Variants in EIF5AL1 observed in about 807,000 individuals in gnomAD.
The protein encoded by EIF5AL1 is eukaryotic translation initiation factor 5A-1-like.
Under a neutral mutation model 9.0 loss-of-function variants are expected in EIF5AL1, and 4 were observed. The observed-to-expected ratio is 0.45, with a 90% confidence interval of 0.22 to 1.02. EIF5AL1 has a LOEUF of 1.02. Among genes scored for constraint, EIF5AL1 ranks in the 50% least tolerant of loss-of-function variants. The pLI, the probability that EIF5AL1 is intolerant of heterozygous loss-of-function variation, is 0.24. For missense variants in EIF5AL1, 58 were observed against 194.1 expected (o/e 0.30, Z 4.17); for synonymous variants, 40 against 75.7 (o/e 0.53, Z 2.45).
Position 79,513,224 on chromosome 10 carries a change from A to C in EIF5AL1, c.*110A>C, listed in dbSNP as rs561253312. ...TGGTCCTAGGTTGGACTCCTCCTAC[A>C]CAATTTATTTGACGTTTTATTTTGG... On this transcript the variant is annotated 3_prime_UTR_variant, in exon 1 of 1. Transcript: ENST00000520547. 1 of 1,409,926 alleles carries C rather than the reference A, an allele frequency of 7.1e-7. No individual in the cohort carries two copies. The highest frequency in any genetic ancestry group is 9.9e-7 in the Non-Finnish European group (1 of 1,006,454). The allele number at this position is 1,409,926 out of a possible 1,614,324, so 87.3% of individuals were successfully genotyped here.
In EIF5AL1 at chr10:79,515,843, T is replaced by C. The variant is rs1834893907; in HGVS notation, c.*2729T>C. The C allele has an allele frequency of 6.0e-6, 1 of 166,446 alleles. No individual in the cohort carries two copies. Among genetic ancestry groups the C allele is most frequent in the Admixed American group, 6.6e-5 (1 of 15,158 alleles). The allele number at this position is 166,446 out of a possible 1,614,324, so 10.3% of individuals were successfully genotyped here. On this transcript the variant is annotated 3_prime_UTR_variant, in exon 1 of 1. Coordinates refer to ENST00000520547, the MANE Select transcript of EIF5AL1 (RefSeq NM_001099692.2). ...GAAATTCCTGATGTATTCAATGAAA[T>C]AACATCTTTAAAGTTCTGTGTAGAA...
In EIF5AL1 at chr10:79,516,047, G is replaced by C. The variant is rs183356982; in HGVS notation, c.*2933G>C. ...GGCCCAGTTTGCAGCTAGGAGAAATGTCAAACACATGAAGAAATGAGAAGC... is the reference window on the plus strand; with the variant it reads ...GGCCCAGTTTGCAGCTAGGAGAAATCTCAAACACATGAAGAAATGAGAAGC... On this transcript the variant is annotated 3_prime_UTR_variant, in exon 1 of 1. Transcript: ENST00000520547. 85 of 167,180 alleles carry C rather than the reference G, an allele frequency of 5.1e-4. No individual in the cohort carries two copies. The highest frequency in any genetic ancestry group is 1.9e-3 in the African/African-American group (81 of 41,562). The allele number at this position is 167,180 out of a possible 1,614,324, so 10.4% of individuals were successfully genotyped here.
rs758975581 is a variant in EIF5AL1, at chr10:79,512,607, G to A, written c.-43G>A. On this transcript the variant is annotated 5_prime_UTR_variant, in exon 1 of 1. Transcript: ENST00000520547. ...GGGCTCGCGGCGAGCGGACGGGGTC[G>A]AGTCAGTGCCGTTTGCGCCAGTTGG... The A allele has an allele frequency of 3.4e-5, 29 of 847,328 alleles. No homozygotes were observed. The highest frequency in any genetic ancestry group is 1.9e-4 in the Admixed American group (8 of 42,008). The allele number at this position is 847,328 out of a possible 1,614,324, so 52.5% of individuals were successfully genotyped here.
At position 79,514,198 on chromosome 10, in the gene EIF5AL1, A is replaced by C. The variant is rs576273223; in HGVS notation, c.*1084A>C. 1 of 167,256 alleles carries C rather than the reference A, an allele frequency of 6.0e-6. No homozygotes were observed. The highest frequency in any genetic ancestry group is 2.4e-5 in the African/African-American group (1 of 41,586). 10.4% of individuals were successfully genotyped at this position (167,256 alleles called of 1,614,324 possible). A position where few individuals can be genotyped will look rare whatever the true frequency, so the allele number is the denominator to read the frequency against. On this transcript the variant is annotated 3_prime_UTR_variant, in exon 1 of 1. Transcript: ENST00000520547. Reference sequence around the variant, plus strand: ...ATTGCTAAAATGGCAATAAAGAGACATGAGGCCAAGATGGAGAAGAAGGAA... The same window carrying C: ...ATTGCTAAAATGGCAATAAAGAGACCTGAGGCCAAGATGGAGAAGAAGGAA...
At position 79,513,412 on chromosome 10, in the gene EIF5AL1, TC is replaced by T. The variant is rs775964081; in HGVS notation, c.*299del. On this transcript the variant is annotated 3_prime_UTR_variant, in exon 1 of 1. Coordinates refer to ENST00000520547, the MANE Select transcript of EIF5AL1 (RefSeq NM_001099692.2). ...GGGGTGGGTGCTGCTTGTGGTTTAG[TC>T]TTTTTTTTTTTTTTAAATTCAATCT... The T allele has an allele frequency of 6.4e-6, 3 of 468,472 alleles. No individual in the cohort carries two copies. The South Asian group carries it at 8.4e-5, about 13-fold the overall frequency. 29.0% of individuals were successfully genotyped at this position (468,472 alleles called of 1,614,324 possible). A position where few individuals can be genotyped will look rare whatever the true frequency, so the allele number is the denominator to read the frequency against.
In EIF5AL1 at chr10:79,515,936, A is replaced by C. The variant is rs965711753; in HGVS notation, c.*2822A>C. On this transcript the variant is annotated 3_prime_UTR_variant, in exon 1 of 1. Coordinates refer to ENST00000520547, the MANE Select transcript of EIF5AL1 (RefSeq NM_001099692.2). ...CCAAAAAAACATGTACTAGGATTTCAATAGAAGCAATGGGTGATCTAAAAA... is the reference window on the plus strand; with the variant it reads ...CCAAAAAAACATGTACTAGGATTTCCATAGAAGCAATGGGTGATCTAAAAA... The C allele has an allele frequency of 4.2e-5, 7 of 167,102 alleles. No individual in the cohort carries two copies. Among genetic ancestry groups the C allele is most frequent in the Non-Finnish European group, 8.8e-5 (6 of 68,124 alleles). The allele number at this position is 167,102 out of a possible 1,614,324, so 10.4% of individuals were successfully genotyped here.
In EIF5AL1 at chr10:79,513,778, G is replaced by C. The variant is rs1183835542; in HGVS notation, c.*664G>C. The C allele has an allele frequency of 1.8e-5, 3 of 165,494 alleles. No homozygotes were observed. The highest frequency in any genetic ancestry group is 7.3e-5 in the African/African-American group (3 of 41,140). The allele number at this position is 165,494 out of a possible 1,614,324, so 10.3% of individuals were successfully genotyped here. A position where few individuals can be genotyped will look rare whatever the true frequency, so the allele number is the denominator to read the frequency against. ...AAAAAAAAAAAAAAGAAAGAAAGAC[G>C]TGTAAAATGCCAAGAACTCTAGGAA... On this transcript the variant is annotated 3_prime_UTR_variant, in exon 1 of 1. Coordinates refer to ENST00000520547, the MANE Select transcript of EIF5AL1 (RefSeq NM_001099692.2).
At position 79,515,921 on chromosome 10, in the gene EIF5AL1, A is replaced by G. The variant is rs1858225720; in HGVS notation, c.*2807A>G. ...GATAGAAAAAAAAACCCAAAAAAAC[A>G]TGTACTAGGATTTCAATAGAAGCAA... On this transcript the variant is annotated 3_prime_UTR_variant, in exon 1 of 1. Transcript: ENST00000520547. 1 of 167,058 alleles carries G rather than the reference A, an allele frequency of 6.0e-6. No individual in the cohort carries two copies. Among genetic ancestry groups the G allele is most frequent in the African/African-American group, 2.4e-5 (1 of 41,450 alleles). The allele number at this position is 167,058 out of a possible 1,614,324, so 10.3% of individuals were successfully genotyped here. A position where few individuals can be genotyped will look rare whatever the true frequency, so the allele number is the denominator to read the frequency against.
Position 79,513,378 on chromosome 10 carries a change from G to A in EIF5AL1, c.*264G>A, listed in dbSNP as rs1858181577. Reference sequence around the variant, plus strand: ...CTCCCCTCACACTACAGCCCTGGTGGGGGAGAAGGGGGTGGGTGCTGCTTG... The same window carrying A: ...CTCCCCTCACACTACAGCCCTGGTGAGGGAGAAGGGGGTGGGTGCTGCTTG... On this transcript the variant is annotated 3_prime_UTR_variant, in exon 1 of 1. Coordinates refer to ENST00000520547, the MANE Select transcript of EIF5AL1 (RefSeq NM_001099692.2). 4 of 571,818 alleles carry A rather than the reference G, an allele frequency of 7.0e-6. No individual in the cohort carries two copies. In the South Asian group the frequency reaches 7.2e-5, roughly 10 times the overall value. 35.4% of individuals were successfully genotyped at this position (571,818 alleles called of 1,614,324 possible).
In EIF5AL1 at chr10:79,514,786, A is replaced by G. The variant is rs1858208019; in HGVS notation, c.*1672A>G. The G allele has an allele frequency of 5.9e-6, 1 of 168,164 alleles. No homozygotes were observed. 10.4% of individuals were successfully genotyped at this position (168,164 alleles called of 1,614,324 possible). A position where few individuals can be genotyped will look rare whatever the true frequency, so the allele number is the denominator to read the frequency against. On this transcript the variant is annotated 3_prime_UTR_variant, in exon 1 of 1. Coordinates refer to ENST00000520547, the MANE Select transcript of EIF5AL1 (RefSeq NM_001099692.2). ...CTGGACCTCCGCTTGCCCCTAAAAC[A>G]TTACAATCAAGAATGTAGGAAGGGA... is the stretch of plus-strand genomic sequence containing the variant.
rs560472996 is a variant in EIF5AL1 at position 79,512,671 on chromosome 10, G to C, written c.22G>C (p.Glu8Gln). 1.5e-6 allele frequency: 2 copies of C among 1,315,826 alleles called. No individual in the cohort carries two copies. Among genetic ancestry groups the C allele is most frequent in the Non-Finnish European group, 2.1e-6 (2 of 936,816 alleles). 81.5% of individuals were successfully genotyped at this position (1,315,826 alleles called of 1,614,324 possible). Residue 8 changes from glutamate (E) to glutamine (Q), a missense_variant, in exon 1 of 1, where the codon GAG becomes CAG. Transcript: ENST00000520547. Reference sequence around the variant, plus strand: ...TAAAATGGCAGATGATTTGGACTTCGAGACAGGAGATGCAGGGGCCTCAGC... The same window carrying C: ...TAAAATGGCAGATGATTTGGACTTCCAGACAGGAGATGCAGGGGCCTCAGC... MADDLDF[E>Q]TGDAGASATF... is the part of the protein sequence containing the mutation.
chr10:79,512,544 C>T lies in EIF5AL1; in HGVS notation c.-106C>T, dbSNP rs907178398. ...GTGTAAAATGCCTGGGTAGAGGCGGCGGCGGCGGCGGCGGCGGCGGGCTCG... is the reference window on the plus strand; with the variant it reads ...GTGTAAAATGCCTGGGTAGAGGCGGTGGCGGCGGCGGCGGCGGCGGGCTCG... On this transcript the variant is annotated 5_prime_UTR_variant, in exon 1 of 1. Coordinates refer to ENST00000520547, the MANE Select transcript of EIF5AL1 (RefSeq NM_001099692.2). The T allele has an allele frequency of 1.7e-5, 17 of 1,019,774 alleles. 2 individuals carry two copies. The Admixed American group carries it at 2.1e-4, about 13-fold the overall frequency. 63.2% of individuals were successfully genotyped at this position (1,019,774 alleles called of 1,614,324 possible).
rs143226021 is a variant in EIF5AL1 at position 79,515,398 on chromosome 10, G to T, written c.*2284G>T. ...ATCTAGAAAACAATAATTGAACAAT[G>T]ATGTGAATATATTTCACACAACTGA... On this transcript the variant is annotated 3_prime_UTR_variant, in exon 1 of 1. Coordinates refer to ENST00000520547, the MANE Select transcript of EIF5AL1 (RefSeq NM_001099692.2). The T allele has an allele frequency of 0.11, 19,216 of 182,026 alleles. 1,180 individuals are homozygous for T. The highest frequency in any genetic ancestry group is 0.3 in the East Asian group (1,611 of 5,434). 11.3% of individuals were successfully genotyped at this position (182,026 alleles called of 1,614,324 possible).
rs1160204814 is a variant in EIF5AL1 at position 79,512,834 on chromosome 10, A to C, written c.185A>C (p.Asp62Ala). Reference sequence around the variant, plus strand: ...GCCAAGGTCCATCTGGTTGGTATTGACATCTTTACTGGGAAGAAATATGAA... The same window carrying C: ...GCCAAGGTCCATCTGGTTGGTATTGCCATCTTTACTGGGAAGAAATATGAA... Reference protein sequence around the residue: ...GHAKVHLVGIDIFTGKKYEDI... With the variant: ...GHAKVHLVGIAIFTGKKYEDI... The change falls in exon 1 of 1, where the codon GAC becomes GCC. Residue 62 changes from aspartate to alanine, a missense_variant. Asp to Ala is a moderately radical substitution (Grantham distance 126). Around this residue, in one of 2 missense-constraint regions of EIF5AL1, gnomAD observed 10 missense variants for 89.7 expected, o/e 0.11. Coordinates refer to ENST00000520547, the MANE Select transcript of EIF5AL1 (RefSeq NM_001099692.2). 6.2e-7 allele frequency: 1 copy of C among 1,612,748 alleles called. No homozygotes were observed. The highest frequency in any genetic ancestry group is 1.3e-5 in the African/African-American group (1 of 74,626).
rs947099562 is a variant in EIF5AL1 at position 79,513,947 on chromosome 10, T to C, written c.*833T>C. On this transcript the variant is annotated 3_prime_UTR_variant, in exon 1 of 1. Transcript: ENST00000520547. ...AGGATGCAATGGGAGCAGGGTCCTG[T>C]CCCCACCCTAAAGGAGTTCACAGTT... The C allele has an allele frequency of 6.0e-6, 1 of 166,876 alleles. No homozygotes were observed. The highest frequency in any genetic ancestry group is 1.5e-5 in the Non-Finnish European group (1 of 68,092). The allele number at this position is 166,876 out of a possible 1,614,324, so 10.3% of individuals were successfully genotyped here.
rs1288579110 is a variant in EIF5AL1, at chr10:79,515,221, C to T, written c.*2107C>T. 9 of 384,920 alleles carry T rather than the reference C, an allele frequency of 2.3e-5. No individual in the cohort carries two copies. Among genetic ancestry groups the T allele is most frequent in the Non-Finnish European group, 4.7e-5 (9 of 190,452 alleles). The allele number at this position is 384,920 out of a possible 1,614,324, so 23.8% of individuals were successfully genotyped here. On this transcript the variant is annotated 3_prime_UTR_variant, in exon 1 of 1. Transcript: ENST00000520547. ...ACCTGAGGGCCAGAAGCTGTTCTTT[C>T]CCTTAAAAGGGCAAACTCATTTCCA...
rs1858231182 is a variant in EIF5AL1 at position 79,516,229 on chromosome 10, A to T, written c.*3115A>T. ...CTGAACTTTTCTTAATGGAATATTT[A>T]AAAAGTGGTACATTAAAAAACTTCC... is the stretch of plus-strand genomic sequence containing the variant. On this transcript the variant is annotated 3_prime_UTR_variant, in exon 1 of 1. Transcript: ENST00000520547. The T allele has an allele frequency of 6.0e-6, 1 of 167,148 alleles. No individual in the cohort carries two copies. Among genetic ancestry groups the T allele is most frequent in the African/African-American group, 2.4e-5 (1 of 41,470 alleles). 10.4% of individuals were successfully genotyped at this position (167,148 alleles called of 1,614,324 possible). A position where few individuals can be genotyped will look rare whatever the true frequency, so the allele number is the denominator to read the frequency against.
Position 79,512,593 on chromosome 10 carries a change from G to A in EIF5AL1, c.-57G>A, listed in dbSNP as rs1158681253. On this transcript the variant is annotated 5_prime_UTR_variant, in exon 1 of 1. Coordinates refer to ENST00000520547, the MANE Select transcript of EIF5AL1 (RefSeq NM_001099692.2). ...CGGAGGCAGCGGTTGGGCTCGCGGCGAGCGGACGGGGTCGAGTCAGTGCCG... is the reference window on the plus strand; with the variant it reads ...CGGAGGCAGCGGTTGGGCTCGCGGCAAGCGGACGGGGTCGAGTCAGTGCCG... 3 of 1,008,136 alleles carry A rather than the reference G, an allele frequency of 3.0e-6. No individual in the cohort carries two copies. Among genetic ancestry groups the A allele is most frequent in the Non-Finnish European group, 4.3e-6 (3 of 692,890 alleles). The allele number at this position is 1,008,136 out of a possible 1,614,324, so 62.4% of individuals were successfully genotyped here. A position where few individuals can be genotyped will look rare whatever the true frequency, so the allele number is the denominator to read the frequency against.
rs1858220930 is a variant in EIF5AL1, at chr10:79,515,635, G to A, written c.*2521G>A. ...ACTCAGAGCCCACTTTCCCTTCCCT[G>A]ACACCAGCTTCACTGAGGCTGGTTG... On this transcript the variant is annotated 3_prime_UTR_variant, in exon 1 of 1. Coordinates refer to ENST00000520547, the MANE Select transcript of EIF5AL1 (RefSeq NM_001099692.2). The A allele has an allele frequency of 6.0e-6, 1 of 166,904 alleles. No individual in the cohort carries two copies. Among genetic ancestry groups the A allele is most frequent in the Admixed American group, 6.5e-5 (1 of 15,272 alleles). 10.3% of individuals were successfully genotyped at this position (166,904 alleles called of 1,614,324 possible).
Sources: gnomAD v4.1 joint callset for allele counts on GRCh38, gnomAD v4.1.1 for gene constraint, gnomAD v4.1.1 regional missense constraint, MANE v1.5 for transcripts, NCBI Gene and HGNC (gene_info 2026-07-23, HGNC 2026-07-21) for gene names.